HGF: variants seen among roughly 807,000 people sequenced by gnomAD.
HGF encodes hepatocyte growth factor, also known as fibroblast-derived tumor cytotoxic factor.
HGF carries 39 observed loss-of-function variants against 111.6 expected under a neutral mutation model. The ratio of observed to expected loss-of-function variants is 0.35; its 90% CI spans 0.27 to 0.46. The LOEUF (loss-of-function observed/expected upper bound fraction) is 0.46. Ranked by LOEUF, HGF falls within the 20% of genes least tolerant of loss-of-function variation. HGF has a pLI of 1.00. For missense variants in HGF, 735 were observed against 910.5 expected (o/e 0.81, Z 2.48); for synonymous variants, 285 against 294.8 (o/e 0.97, Z 0.34).
chr7:81,717,229 TACA>T lies in HGF; in HGVS notation c.1405_1405+2del, dbSNP rs773871362. 2 of 1,613,356 alleles carry T rather than the reference TACA, an allele frequency of 1.2e-6. No individual in the cohort carries two copies. Among genetic ancestry groups the T allele is most frequent in the Non-Finnish European group, 1.7e-6 (2 of 1,179,360 alleles). On this transcript the variant is annotated splice_donor_variant and coding_sequence_variant, in exon 11 of 18. Transcript: ENST00000222390. LOFTEE classifies it high-confidence loss of function. Reference sequence around the variant, plus strand: ...CAAGACACCAATCCCTAACTGTACTTACAACGAGAAATAGGGCAATAATCCCAA... The same window carrying T: ...CAAGACACCAATCCCTAACTGTACTTACGAGAAATAGGGCAATAATCCCAA...
chr7:81,699,413 T>G lies in HGF; in HGVS notation c.*3168A>C, dbSNP rs2115726196. On this transcript the variant is annotated 3_prime_UTR_variant, in exon 18 of 18. Coordinates refer to ENST00000222390, the MANE Select transcript of HGF (RefSeq NM_000601.6). The stretch of plus-strand genomic sequence containing the variant: ...TGACAAGTGATTTATTTTAAAATTA[T>G]GTATTTTAAAAACAAAGGCCATGTA... 1 of 151,792 alleles carries G rather than the reference T, an allele frequency of 6.6e-6. No individual in the cohort carries two copies. The highest frequency in any genetic ancestry group is 1.5e-5 in the Non-Finnish European group (1 of 67,690). 9.4% of individuals were successfully genotyped at this position (151,792 alleles called of 1,614,324 possible). A position where few individuals can be genotyped will look rare whatever the true frequency, so the allele number is the denominator to read the frequency against.
chr7:81,741,615 A>G (rs978948888), intron 7 of HGF, among the ~76,000 whole-genome samples: 16 of 141,370 alleles, frequency 1.1e-4, no homozygotes, highest in African/African-American at 4.2e-4. Flanking sequence ...GTGTGTGTGT[A>G]TAGGTTTTAT....
chr7:81,736,619 G>A (rs977628867), intron 7 of HGF: 5 of 421,364 alleles, frequency 1.2e-5, no homozygotes, highest in Non-Finnish European at 1.9e-5. Context: ...TGAATGAGTA[G>A]CTGCCAACTA....
At chr7:81,728,703 GCA>G (rs772489045) in intron 8 of HGF, among the ~76,000 whole-genome samples, 2 of 152,024 alleles carry the variant, frequency 1.3e-5, no homozygotes, top group Non-Finnish European at 2.9e-5. Flanking sequence ...GCTTGTGCAT[GCA>G]CACACACACA....
Position 81,702,526 on chromosome 7 carries a change from A to G in HGF, c.*55T>C. On this transcript the variant is annotated 3_prime_UTR_variant, in exon 18 of 18. Coordinates refer to ENST00000222390, the MANE Select transcript of HGF (RefSeq NM_000601.6). ...CATTTTAAATTCCACATTCTCTGAA[A>G]TCTTCATGTAAAAGACAGTTGTATT... is the stretch of plus-strand genomic sequence containing the variant. 3.6e-6 allele frequency: 5 copies of G among 1,377,794 alleles called. No homozygotes were observed. Among genetic ancestry groups the G allele is most frequent in the Non-Finnish European group, 5.2e-6 (5 of 966,958 alleles). 85.3% of individuals were successfully genotyped at this position (1,377,794 alleles called of 1,614,324 possible). A position where few individuals can be genotyped will look rare whatever the true frequency, so the allele number is the denominator to read the frequency against.
At chr7:81,704,683 TC>T (rs1166667474) in intron 17 of HGF, among the ~76,000 whole-genome samples, 1 of 151,810 alleles carries the variant, frequency 6.6e-6, no homozygotes, top group Non-Finnish European at 1.5e-5. Context: ...CATTTCACTA[TC>T]ATTGAACTCA....
At chr7:81,743,019 C>T in intron 7 of HGF, 1 of 1,350,756 alleles carries the variant, frequency 7.4e-7, no homozygotes, top group Non-Finnish European at 1.1e-6. Context: ...CTTTTACTCC[C>T]CTAATGACTT....
intron 4 of HGF, among the ~76,000 whole-genome samples, chr7:81,753,682 T>G (rs1788612249): frequency 6.6e-6 from 1 of 152,022 alleles, no homozygotes; most frequent in South Asian, 2.1e-4. Flanking sequence ...AAGAGACTTA[T>G]TACTAACTAA....
intron 4 of HGF, chr7:81,755,883 A>T: frequency 1.6e-6 from 1 of 614,406 alleles, no homozygotes; most frequent in Non-Finnish European, 2.9e-6. Flanking sequence ...GACACTTACT[A>T]GCTAGTGTTA....
chr7:81,717,212 C>T lies in HGF; in HGVS notation c.1405+20G>A. On this transcript the variant is annotated intron_variant, in intron 11 of 17. Transcript: ENST00000222390. ...ACATTTAAAATATTTCACAAGACAC[C>T]AATCCCTAACTGTACTTACAACGAG... 1 of 1,609,958 alleles carries T rather than the reference C, an allele frequency of 6.2e-7. No individual in the cohort carries two copies. The highest frequency in any genetic ancestry group is 8.5e-7 in the Non-Finnish European group (1 of 1,176,540).
intron 12 of HGF, among the ~76,000 whole-genome samples, chr7:81,711,054 G>C (rs1401291201): frequency 6.6e-6 from 1 of 152,172 alleles, no homozygotes; most frequent in Non-Finnish European, 1.5e-5. Flanking sequence ...CCACTTGACT[G>C]TAGGGCATGC....
At chr7:81,727,285 T>C (rs1465625044) in intron 8 of HGF, among the ~76,000 whole-genome samples, 2 of 151,874 alleles carry the variant, frequency 1.3e-5, no homozygotes, top group Non-Finnish European at 2.9e-5. Context: ...CCTGGTGATC[T>C]GCCCACCTTG....
chr7:81,700,603 T>C lies in HGF; in HGVS notation c.*1978A>G, dbSNP rs1465258107. Reference sequence around the variant, plus strand: ...TTAATATGCAATAATAAAATTTCACTGGTTCAGCCAGAAGAAACTATGAAA... The same window carrying C: ...TTAATATGCAATAATAAAATTTCACCGGTTCAGCCAGAAGAAACTATGAAA... On this transcript the variant is annotated 3_prime_UTR_variant, in exon 18 of 18. Transcript: ENST00000222390. 6 of 151,592 alleles carry C rather than the reference T, an allele frequency of 4.0e-5. No homozygotes were observed. The highest frequency in any genetic ancestry group is 1.4e-4 in the African/African-American group (6 of 41,398). 9.4% of individuals were successfully genotyped at this position (151,592 alleles called of 1,614,324 possible). A position where few individuals can be genotyped will look rare whatever the true frequency, so the allele number is the denominator to read the frequency against.
intron 1 of HGF, among the ~76,000 whole-genome samples, chr7:81,768,815 C>A (rs1009095536): frequency 1.3e-5 from 2 of 152,088 alleles, no homozygotes; most frequent in Non-Finnish European, 2.9e-5. Flanking sequence ...ATTTTCCAAA[C>A]GGGCCACTTC....
chr7:81,765,419 G>A (rs1298569004), intron 1 of HGF, among the ~76,000 whole-genome samples: 5 of 151,880 alleles, frequency 3.3e-5, no homozygotes, highest in Non-Finnish European at 5.9e-5. Context: ...TCTAAAGATC[G>A]AAAAGCATTT....
At chr7:81,705,838 A>T in intron 15 of HGF, 85 bp from the exon 16 acceptor site, 1 of 814,432 alleles carries the variant, frequency 1.2e-6, no homozygotes, top group Non-Finnish European at 2.1e-6. Flanking sequence ...CATGTTTAAT[A>T]TGGCATTTAC....
chr7:81,723,112 C>T (rs532224735), intron 9 of HGF, among the ~76,000 whole-genome samples: 1 of 151,976 alleles, frequency 6.6e-6, no homozygotes, highest in South Asian at 2.1e-4. Context: ...ACAACAAACC[C>T]CCATAACACA....
At chr7:81,764,902 T>C (rs2116255889) in intron 1 of HGF, among the ~76,000 whole-genome samples, 1 of 152,206 alleles carries the variant, frequency 6.6e-6, no homozygotes, top group Middle Eastern at 3.4e-3. Flanking sequence ...CTTCATAGCA[T>C]AATAGTTTTA....
chr7:81,714,003 T>C (rs922789434), intron 11 of HGF, among the ~76,000 whole-genome samples: 22 of 150,902 alleles, frequency 1.5e-4, no homozygotes, highest in Admixed American at 1.3e-3. Context: ...TGTGTGTGTG[T>C]GTGTGTGTGT....
Sources: gnomAD v4.1 joint callset for allele counts (sites outside exome capture counted in the v4.1 genomes callset) on GRCh38, gnomAD v4.1.1 for gene constraint, MANE v1.5 for transcripts, NCBI Gene and HGNC (gene_info 2026-07-23, HGNC 2026-07-21) for gene names.